FBXO11: variants seen among roughly 807,000 people sequenced by gnomAD.
FBXO11 encodes F-box protein 11, also known as F-box only protein 11.
In FBXO11, 13 loss-of-function variants were observed where a neutral mutation model predicts 117.0. The ratio of observed to expected loss-of-function variants is 0.11; its 90% CI spans 0.07 to 0.18. FBXO11 has a LOEUF of 0.18. FBXO11 is among the 10% of genes least tolerant of loss of function. The pLI, the probability that FBXO11 is intolerant of heterozygous loss-of-function variation, is 1.00. For missense variants in FBXO11, 767 were observed against 1,164.4 expected (o/e 0.66, Z 4.97); for synonymous variants, 490 against 380.5 (o/e 1.29, Z -3.35).
intron 1 of FBXO11, among the ~76,000 whole-genome samples, chr2:47,844,255 T>G (rs1449435867): frequency 6.6e-6 from 1 of 152,236 alleles, no homozygotes; most frequent in Non-Finnish European, 1.5e-5. Flanking sequence ...CCTTCAATCA[T>G]TTCACTCACA....
At position 47,899,464 on chromosome 2, in the gene FBXO11, A is replaced by G. The variant is rs558429361; in HGVS notation, c.232+6025T>C. Among the ~76,000 whole-genome samples the G allele has an allele frequency of 3.3e-5, 5 of 152,222 alleles. No individual in the cohort carries two copies. The South Asian group carries it at 1.0e-3, about 32-fold the overall frequency. ...TCTATCATGTGCTAGGAACTTTACTATCTCTCATCCTTACAAATGTTCTAT... is the reference window on the plus strand; with the variant it reads ...TCTATCATGTGCTAGGAACTTTACTGTCTCTCATCCTTACAAATGTTCTAT... On this transcript the variant is annotated intron_variant, in intron 1 of 22. Coordinates refer to ENST00000403359, the MANE Select transcript of FBXO11 (RefSeq NM_001190274.2).
intron 1 of FBXO11, among the ~76,000 whole-genome samples, chr2:47,866,310 G>A (rs537638959): frequency 2.0e-4 from 29 of 148,348 alleles, no homozygotes; most frequent in Non-Finnish European, 4.0e-4. Context: ...CAAAAATAAC[G>A]TGGAAAGCAG....
intron 1 of FBXO11, among the ~76,000 whole-genome samples, chr2:47,886,792 A>C (rs1449791992): frequency 6.6e-6 from 1 of 152,186 alleles, no homozygotes; most frequent in Non-Finnish European, 1.5e-5. Context: ...GTTTGTTTTT[A>C]ATGAAAAAAA....
chr2:47,846,338 A>G (rs750650893), intron 1 of FBXO11, among the ~76,000 whole-genome samples: 1 of 152,278 alleles, frequency 6.6e-6, no homozygotes, highest in South Asian at 2.1e-4. Flanking sequence ...TTGGTGGCGC[A>G]TGCCTGTAAT....
chr2:47,895,080 A>T (rs1033778081), intron 1 of FBXO11, among the ~76,000 whole-genome samples: 2 of 152,220 alleles, frequency 1.3e-5, no homozygotes, highest in Non-Finnish European at 2.9e-5. Flanking sequence ...AGTAAATGGA[A>T]ATTTTGTCTT....
intron 1 of FBXO11, among the ~76,000 whole-genome samples, chr2:47,850,816 T>C (rs368891090): frequency 6.6e-6 from 1 of 152,200 alleles, no homozygotes; most frequent in South Asian, 2.1e-4. Flanking sequence ...AGACATTTTC[T>C]CTCATTGCTT....
intron 4 of FBXO11, among the ~76,000 whole-genome samples, chr2:47,836,495 A>G (rs1672571214): frequency 6.6e-6 from 1 of 152,000 alleles, no homozygotes; most frequent in Non-Finnish European, 1.5e-5. Flanking sequence ...CAGCCTCCCA[A>G]GTAGCTGGAA....
At chr2:47,885,909 C>T (rs748799351) in intron 1 of FBXO11, among the ~76,000 whole-genome samples, 4 of 152,126 alleles carry the variant, frequency 2.6e-5, no homozygotes, top group Non-Finnish European at 4.4e-5. Flanking sequence ...GTTTAAGTAC[C>T]CCCACTATCT....
intron 1 of FBXO11, among the ~76,000 whole-genome samples, chr2:47,889,782 A>C (rs773567460): frequency 6.6e-6 from 1 of 152,222 alleles, no homozygotes; most frequent in Non-Finnish European, 1.5e-5. Context: ...TTAAACAGAC[A>C]TGAGTCCATA....
At chr2:47,879,369 T>C (rs903522365) in intron 1 of FBXO11, among the ~76,000 whole-genome samples, 6 of 152,238 alleles carry the variant, frequency 3.9e-5, no homozygotes, top group Admixed American at 3.9e-4. Flanking sequence ...TCTCAATTTG[T>C]ATTCTCAATA....
intron 20 of FBXO11, 130 bp downstream of exon 20, chr2:47,809,470 T>C: frequency 1.3e-6 from 1 of 750,686 alleles, no homozygotes; most frequent in Non-Finnish European, 2.1e-6. Flanking sequence ...AAAGCTCTGT[T>C]TCTTTCAAAA....
chr2:47,817,674 C>T (rs1332858953), intron 16 of FBXO11, among the ~76,000 whole-genome samples: 2 of 152,182 alleles, frequency 1.3e-5, no homozygotes. Context: ...TTGAGGATTA[C>T]TAATTGGCCT....
chr2:47,885,959 T>A (rs1676806339), intron 1 of FBXO11, among the ~76,000 whole-genome samples: 1 of 152,216 alleles, frequency 6.6e-6, no homozygotes, highest in Non-Finnish European at 1.5e-5. Flanking sequence ...CTAACACTAG[T>A]TGCCTCTTTA....
At chr2:47,885,330 A>G (rs1676740878) in intron 1 of FBXO11, among the ~76,000 whole-genome samples, 1 of 152,226 alleles carries the variant, frequency 6.6e-6, no homozygotes, top group Admixed American at 6.5e-5. Flanking sequence ...GCGGTGGCTC[A>G]CGCCTGTAAT....
At chr2:47,829,994 G>C (rs942340726) in intron 11 of FBXO11, among the ~76,000 whole-genome samples, 3 of 151,964 alleles carry the variant, frequency 2.0e-5, no homozygotes, top group African/African-American at 4.8e-5. Context: ...AATAGCAGCA[G>C]AAAAACAAAA....
rs1157831463 is a variant in FBXO11 at position 47,810,424 on chromosome 2, G to C, written c.2230C>G (p.Leu744Val). The C allele has an allele frequency of 1.1e-5, 17 of 1,591,772 alleles. No homozygotes were observed. The highest frequency in any genetic ancestry group is 1.5e-5 in the Non-Finnish European group (17 of 1,163,784). The change falls in exon 19 of 23, where the codon CTC (leucine) becomes GTC (valine). Residue 744 changes from leucine to valine, a missense_variant and splice_region_variant. This residue lies in a region of FBXO11 where 42 missense variants were observed against 216.8 expected (regional missense o/e 0.19). Coordinates refer to ENST00000403359, the MANE Select transcript of FBXO11 (RefSeq NM_001190274.2). ...CTGAAAATATCATTTTCTTCAAGGAGACCTATAATAAAATATTTCCTTAGA... is the reference window on the plus strand; with the variant it reads ...CTGAAAATATCATTTTCTTCAAGGACACCTATAATAAAATATTTCCTTAGA... ...GICIFNGGRG[L>V]LEENDIFRNA... is the part of the protein sequence containing the mutation.
In FBXO11 at chr2:47,808,064, A is replaced by G; in HGVS notation, c.*54T>C. On this transcript the variant is annotated 3_prime_UTR_variant, in exon 23 of 23. Transcript: ENST00000403359. ...AATATTTTAAATCTTCTTCCAAAAA[A>G]GTGTTTTAAGTTATGATGTTACAAT... 2 of 1,463,950 alleles carry G rather than the reference A, an allele frequency of 1.4e-6. No homozygotes were observed. The highest frequency in any genetic ancestry group is 1.9e-6 in the Non-Finnish European group (2 of 1,070,140). 90.7% of individuals were successfully genotyped at this position (1,463,950 alleles called of 1,614,324 possible). A position where few individuals can be genotyped will look rare whatever the true frequency, so the allele number is the denominator to read the frequency against.
chr2:47,905,780 C>A lies in FBXO11; in HGVS notation c.-60G>T, dbSNP rs1678764509. On this transcript the variant is annotated 5_prime_UTR_variant, in exon 1 of 23. Transcript: ENST00000403359. ...CACACACACGCACACGCACAGCGAGCTTCGGGGCAGGAGAAAGGGGTGGGG... is the reference window on the plus strand; with the variant it reads ...CACACACACGCACACGCACAGCGAGATTCGGGGCAGGAGAAAGGGGTGGGG... 1 of 1,311,406 alleles carries A rather than the reference C, an allele frequency of 7.6e-7. No homozygotes were observed. Among genetic ancestry groups the A allele is most frequent in the Non-Finnish European group, 9.9e-7 (1 of 1,008,110 alleles). The allele number at this position is 1,311,406 out of a possible 1,614,324, so 81.2% of individuals were successfully genotyped here.
chr2:47,839,095 T>C (rs899612374), intron 3 of FBXO11, 92 bp from the exon 4 acceptor site: 14 of 1,154,588 alleles, frequency 1.2e-5, no homozygotes, highest in African/African-American at 1.0e-4. Flanking sequence ...ATGAATAGCT[T>C]TTTTTTTTTG....
Sources: allele counts gnomAD v4.1 joint callset (sites outside exome capture counted in the v4.1 genomes callset), GRCh38; gene constraint gnomAD v4.1.1; regional missense constraint gnomAD v4.1.1; transcripts MANE v1.5; gene names NCBI Gene and HGNC (gene_info 2026-07-23, HGNC 2026-07-21).